MAF: variants seen among roughly 807,000 people sequenced by gnomAD.
MAF encodes transcription factor Maf.
In MAF, 10 loss-of-function variants were observed where a neutral mutation model predicts 22.0. That is an observed-to-expected ratio of 0.45 (90% CI 0.28 to 0.77). MAF has a LOEUF of 0.77. Among genes scored for constraint, MAF ranks in the 30% least tolerant of loss-of-function variants. MAF has a pLI of 0.12. For synonymous variants in MAF, 337 were observed against 255.8 expected, an observed-to-expected ratio of 1.32 and a Z score of -3.03; for missense variants, 544 against 548.4, an observed-to-expected ratio of 0.99 and a Z score of 0.08.
At chr16:79,366,938 C>G in the MAF span, among the ~76,000 whole-genome samples, 4 of 152,176 alleles carry the variant, frequency 2.6e-5, no homozygotes, top group South Asian at 6.2e-4. Context: ...TATCTCAGGG[C>G]TTGGTATATA....
the MAF span, among the ~76,000 whole-genome samples, chr16:79,282,235 G>T: frequency 6.6e-6 from 1 of 152,182 alleles, no homozygotes; most frequent in African/African-American, 2.4e-5. Flanking sequence ...GTTTCAAAGT[G>T]GAATGGAGAC....
intron 1 of MAF, chr16:79,598,548 GCCA>G: frequency 7.0e-7 from 1 of 1,418,794 alleles, no homozygotes; most frequent in Non-Finnish European, 9.2e-7. Context: ...GTTTAAAACA[GCCA>G]CCACCACCAC....
At chr16:79,340,738 G>T in the MAF span, among the ~76,000 whole-genome samples, 1 of 152,006 alleles carries the variant, frequency 6.6e-6, no homozygotes. Context: ...CCTCCTAGAT[G>T]CCAGTAGCCC....
the MAF span, among the ~76,000 whole-genome samples, chr16:79,351,247 T>G: frequency 8.7e-4 from 132 of 152,290 alleles, no homozygotes; most frequent in African/African-American, 3.1e-3. Context: ...CCTTTGCTCA[T>G]CCCTTCCTTG....
the MAF span, among the ~76,000 whole-genome samples, chr16:79,478,316 C>G: frequency 6.6e-6 from 1 of 152,208 alleles, no homozygotes; most frequent in Non-Finnish European, 1.5e-5. Context: ...CCTATTTTCT[C>G]ATTTTATAGA....
the MAF span, among the ~76,000 whole-genome samples, chr16:79,533,504 C>A: frequency 6.6e-6 from 1 of 152,124 alleles, no homozygotes. Flanking sequence ...ATTTTACTTT[C>A]GTCCTCTGGT....
the MAF span, among the ~76,000 whole-genome samples, chr16:79,303,689 G>A: frequency 6.6e-6 from 1 of 152,178 alleles, no homozygotes; most frequent in Non-Finnish European, 1.5e-5. Flanking sequence ...ACTGTGTTGA[G>A]AAGGGTTCTG....
chr16:79,467,460 G>T, the MAF span, among the ~76,000 whole-genome samples: 1 of 152,264 alleles, frequency 6.6e-6, no homozygotes, highest in African/African-American at 2.4e-5. Flanking sequence ...CTTATTGCAG[G>T]CAGTGATCTT....
At chr16:79,517,134 T>C in the MAF span, among the ~76,000 whole-genome samples, 6 of 152,212 alleles carry the variant, frequency 3.9e-5, no homozygotes, top group African/African-American at 1.2e-4. Context: ...TTTTAGTTTA[T>C]ACTGTAGATT....
At chr16:79,396,129 GC>G in the MAF span, among the ~76,000 whole-genome samples, 7 of 152,180 alleles carry the variant, frequency 4.6e-5, no homozygotes, top group African/African-American at 1.4e-4. Flanking sequence ...CAATCTGAGA[GC>G]TTGGGCTGCT....
At chr16:79,332,540 C>A in the MAF span, among the ~76,000 whole-genome samples, 2 of 152,224 alleles carry the variant, frequency 1.3e-5, no homozygotes, top group Admixed American at 1.3e-4. Context: ...CTTCAATGAT[C>A]TACCCACCTT....
chr16:79,546,458 A>T, the MAF span, among the ~76,000 whole-genome samples: 4 of 152,186 alleles, frequency 2.6e-5, no homozygotes, highest in African/African-American at 9.7e-5. Context: ...AAAATGTAGG[A>T]AGTGATAAGA....
At chr16:79,217,429 G>T in the MAF span, among the ~76,000 whole-genome samples, 2 of 152,162 alleles carry the variant, frequency 1.3e-5, no homozygotes, top group Non-Finnish European at 2.9e-5. Context: ...ATGAGCTCTG[G>T]CTCTTCTCCT....
chr16:79,441,391 C>T, the MAF span, among the ~76,000 whole-genome samples: 1 of 152,196 alleles, frequency 6.6e-6, no homozygotes, highest in Non-Finnish European at 1.5e-5. Context: ...TCTATAAAGG[C>T]TCAGATAATA....
the MAF span, among the ~76,000 whole-genome samples, chr16:79,470,912 T>C: frequency 2.0e-5 from 3 of 152,234 alleles, no homozygotes; most frequent in Non-Finnish European, 2.9e-5. Context: ...TGAGAGGCAC[T>C]CAAATTATTC....
At chr16:79,456,616 G>T in the MAF span, among the ~76,000 whole-genome samples, 1 of 152,182 alleles carries the variant, frequency 6.6e-6, no homozygotes, top group African/African-American at 2.4e-5. Context: ...CTCAATTAGA[G>T]AAAGCCGTTC....
chr16:79,213,902 A>G, the MAF span, among the ~76,000 whole-genome samples: 1 of 152,096 alleles, frequency 6.6e-6, no homozygotes, highest in South Asian at 2.1e-4. Context: ...TTTCTACCCT[A>G]CTTCTCTTAT....
downstream of MAF, among the ~76,000 whole-genome samples, chr16:79,592,903 G>C (rs961539605): frequency 1.3e-5 from 2 of 152,186 alleles, no homozygotes; most frequent in African/African-American, 2.4e-5. Context: ...GCAAAGTGAA[G>C]CTGGTAAATC....
At chr16:79,397,036 C>G in the MAF span, among the ~76,000 whole-genome samples, 1 of 152,216 alleles carries the variant, frequency 6.6e-6, no homozygotes, top group African/African-American at 2.4e-5. Context: ...AGTCGGTTGA[C>G]TCATCTGTAA....
Sources: gnomAD v4.1 joint callset for allele counts (sites outside exome capture counted in the v4.1 genomes callset) on GRCh38, gnomAD v4.1.1 for gene constraint, MANE v1.5 for transcripts, NCBI Gene and HGNC (gene_info 2026-07-23, HGNC 2026-07-21) for gene names.